Variants in CPA5 observed in about 807,000 individuals in gnomAD.
CPA5 encodes testicular tissue protein Li 32.
Under a neutral mutation model 52.2 loss-of-function variants are expected in CPA5, and 38 were observed. The ratio of observed to expected loss-of-function variants is 0.73; its 90% confidence interval spans 0.56 to 0.95. The LOEUF (loss-of-function observed/expected upper bound fraction) is 0.95. CPA5 is among the 40% of genes least tolerant of loss of function. The probability of loss-of-function intolerance (pLI) is 0.00; values close to 1 mark genes in which losing one functional copy is unlikely to be tolerated. For missense variants in CPA5, 519 were observed against 566.7 expected (o/e 0.92, Z 0.86); for synonymous variants, 198 against 213.7 (o/e 0.93, Z 0.64).
rs1794702849 is a variant in CPA5 at position 130,345,915 on chromosome 7, A to G, written c.-94+19A>G. 1.3e-5 allele frequency: 2 copies of G among 152,278 alleles called. No homozygotes were observed. The highest frequency in any genetic ancestry group is 2.4e-5 in the African/African-American group (1 of 41,474). The allele number at this position is 152,278 out of a possible 1,614,324, so 9.4% of individuals were successfully genotyped here. On this transcript the variant is annotated intron_variant, in intron 2 of 12. Transcript: ENST00000474905. ...CTGTGAGGTAGGGAGGGGAGGTATG[A>G]TTAACCCCATTTGATGGATGAGTAA...
At chr7:130,351,256 A>G (rs1214623995) in intron 5 of CPA5, among the ~76,000 whole-genome samples, 2 of 152,258 alleles carry the variant, frequency 1.3e-5, no homozygotes, top group African/African-American at 2.4e-5. Context: ...AGGCTACCAC[A>G]TCAAAAGAAA....
At chr7:130,352,623 G>A (rs551260235) in intron 5 of CPA5, among the ~76,000 whole-genome samples, 1 of 152,116 alleles carries the variant, frequency 6.6e-6, no homozygotes, top group Admixed American at 6.5e-5. Context: ...TGACAACTAG[G>A]GGGGAGTCAT....
At chr7:130,373,595 T>C (rs1796314189), downstream of CPA5, among the ~76,000 whole-genome samples, 2 of 152,170 alleles carry the variant, frequency 1.3e-5, no homozygotes, top group South Asian at 4.1e-4. Context: ...TGAGGGGCCC[T>C]TCACACCCCG....
chr7:130,373,117 A>G (rs1238833547), downstream of CPA5, among the ~76,000 whole-genome samples: 1 of 152,178 alleles, frequency 6.6e-6, no homozygotes, highest in African/African-American at 2.4e-5. Context: ...CAGAGAGATA[A>G]TGGCGGGGGT....
intron 1 of CPA5, chr7:130,345,447 A>G (rs1257444235): frequency 6.6e-6 from 1 of 152,290 alleles, no homozygotes; most frequent in African/African-American, 2.4e-5. Context: ...TTCAGGCATC[A>G]TCTTTCACTT....
In CPA5 at chr7:130,353,488, A is replaced by C. The variant is rs114878942; in HGVS notation, c.333+3379A>C. On this transcript the variant is annotated intron_variant, in intron 5 of 12. Transcript: ENST00000474905. Reference sequence around the variant, plus strand: ...GTTTCCACCTGGGGGTGCAATGGGCATCTCCAACTTTCCAGGTCCAGACCA... The same window carrying C: ...GTTTCCACCTGGGGGTGCAATGGGCCTCTCCAACTTTCCAGGTCCAGACCA... Among the ~76,000 whole-genome samples, 519 of 152,234 alleles carry C rather than the reference A, an allele frequency of 3.4e-3. 4 individuals carry two copies. The highest frequency in any genetic ancestry group is 0.012 in the African/African-American group (491 of 41,528).
At chr7:130,360,315 T>A (rs1554406278) in intron 6 of CPA5, among the ~76,000 whole-genome samples, 1 of 152,212 alleles carries the variant, frequency 6.6e-6, no homozygotes, top group African/African-American at 2.4e-5. Flanking sequence ...CTGGGGTATA[T>A]AATATGAGGG....
At chr7:130,357,592 C>T (rs1795550783) in intron 5 of CPA5, among the ~76,000 whole-genome samples, 1 of 148,894 alleles carries the variant, frequency 6.7e-6, no homozygotes, top group East Asian at 2.0e-4. Flanking sequence ...CACTGTACTC[C>T]AGCCTGGCCA....
At position 130,363,520 on chromosome 7, in the gene CPA5, C is replaced by A. The variant is rs1795909741; in HGVS notation, c.838+11C>A. ...AGTCGGGTTTTGGAGGTATGGCAAC[C>A]TGCTGTCCTGGGGCAGGGTTGGAGA... is the stretch of plus-strand genomic sequence containing the variant. On this transcript the variant is annotated intron_variant, in intron 10 of 12. Transcript: ENST00000474905. 6.4e-7 allele frequency: 1 copy of A among 1,572,456 alleles called. No individual in the cohort carries two copies. Among genetic ancestry groups the A allele is most frequent in the Non-Finnish European group, 8.6e-7 (1 of 1,157,320 alleles).
downstream of CPA5, among the ~76,000 whole-genome samples, chr7:130,373,428 T>C (rs1554410133): frequency 6.6e-6 from 1 of 152,184 alleles, no homozygotes. Flanking sequence ...ATTCTACATA[T>C]GGAAAGCTAT....
chr7:130,364,160 C>T (rs986290499), intron 10 of CPA5, among the ~76,000 whole-genome samples: 3 of 151,526 alleles, frequency 2.0e-5, no homozygotes, highest in African/African-American at 7.3e-5. Context: ...CCCAAGTAGC[C>T]GGGACCATAG....
chr7:130,373,012 A>G (rs1190875222), downstream of CPA5, among the ~76,000 whole-genome samples: 1 of 152,200 alleles, frequency 6.6e-6, no homozygotes, highest in Non-Finnish European at 1.5e-5. Flanking sequence ...AGCTGGGAGA[A>G]GACTAAGGCC....
At chr7:130,346,230 A>G (rs1162603587) in intron 2 of CPA5, among the ~76,000 whole-genome samples, 163 bp from the exon 3 acceptor site, 3 of 140,944 alleles carry the variant, frequency 2.1e-5, no homozygotes, top group African/African-American at 7.7e-5. Context: ...AAACCTCCTG[A>G]GAGAAAAGAA....
Position 130,362,992 on chromosome 7 carries a change from A to G in CPA5, c.745A>G (p.Met249Val). The change falls in exon 9 of 13, where the codon ATG (methionine) becomes GTG (valine). Residue 249 changes from methionine (M) to valine (V), a missense_variant and splice_region_variant. Transcript: ENST00000474905. ...TGATGGGTTTGCTTTTACCCACAGC[A>G]TGGTGAGGGAACCTGGGAAGGATGG... is the stretch of plus-strand genomic sequence containing the variant. ...NPDGFAFTHS[M>V]NRLWRKNKSI... 6.3e-7 allele frequency: 1 copy of G among 1,583,914 alleles called. No homozygotes were observed.
Position 130,367,552 on chromosome 7 carries a change from T to C in CPA5, c.1019T>C (p.Val340Ala). 6.2e-7 allele frequency: 1 copy of C among 1,613,948 alleles called. No individual in the cohort carries two copies. Among genetic ancestry groups the C allele is most frequent in the East Asian group, 2.2e-5 (1 of 44,870 alleles). The change falls in exon 11 of 13, where the codon GTT becomes GCT. Residue 340 changes from valine (V) to alanine (A), a missense_variant. Coordinates refer to ENST00000474905, the MANE Select transcript of CPA5 (RefSeq NM_080385.5). Reference sequence around the variant, plus strand: ...CCTTACGGCCGATTGCTGGAGCCCGTTTCAAATCAGAGGGAGTTGGTGAGA... The same window carrying C: ...CCTTACGGCCGATTGCTGGAGCCCGCTTCAAATCAGAGGGAGTTGGTGAGA... ...MYPYGRLLEP[V>A]SNQRELYDLA...
intron 5 of CPA5, among the ~76,000 whole-genome samples, chr7:130,353,524 G>A (rs193008775): frequency 6.6e-6 from 1 of 152,104 alleles, no homozygotes; most frequent in African/African-American, 2.4e-5. Flanking sequence ...AGCTCCCCTG[G>A]CCCTTCATCG....
At chr7:130,367,327 G>A (rs375726205) in intron 10 of CPA5, 45 bp from the exon 11 acceptor site, 29 of 1,559,366 alleles carry the variant, frequency 1.9e-5, no homozygotes, top group African/African-American at 9.5e-5. Context: ...CGTCTGTGTC[G>A]CACGTGGGGA....
chr7:130,367,363 T>C lies in CPA5; in HGVS notation c.839-9T>C, dbSNP rs1554408668. The C allele has an allele frequency of 6.2e-7, 1 of 1,613,824 alleles. No homozygotes were observed. Among genetic ancestry groups the C allele is most frequent in the Non-Finnish European group, 8.5e-7 (1 of 1,179,952 alleles). On this transcript the variant is annotated splice_polypyrimidine_tract_variant and intron_variant, in intron 10 of 12. Transcript: ENST00000474905. ...TTTGACTCTTTGGGTGGCTTTATTT[T>C]ACTTCCAGGAAATGGTTCTAACAGC...
chr7:130,349,715 C>A (rs564454452), intron 4 of CPA5, among the ~76,000 whole-genome samples: 23 of 105,306 alleles, frequency 2.2e-4, no homozygotes, highest in African/African-American at 7.2e-4. Flanking sequence ...CTACTACGTA[C>A]CCACAAAAAT....
Sources: gnomAD v4.1 joint callset for allele counts (sites outside exome capture counted in the v4.1 genomes callset) on GRCh38, gnomAD v4.1.1 for gene constraint, MANE v1.5 for transcripts, NCBI Gene and HGNC (gene_info 2026-07-23, HGNC 2026-07-21) for gene names.